MAGI2: variants seen among roughly 807,000 people sequenced by gnomAD.
MAGI2 encodes membrane associated guanylate kinase, WW and PDZ domain containing 2.
MAGI2 carries 35 observed loss-of-function variants against 133.3 expected under a neutral mutation model. The observed-to-expected ratio is 0.26, with a 90% CI of 0.20 to 0.35. The LOEUF is 0.35. MAGI2 is among the 10% of genes least tolerant of loss of function. MAGI2 has a pLI of 1.00. For missense variants in MAGI2, 1,636 were observed against 1,863.4 expected, an observed-to-expected ratio of 0.88 and a Z score of 2.25; for synonymous variants, 729 against 710.6, an observed-to-expected ratio of 1.03 and a Z score of -0.41.
intron 20 of MAGI2, among the ~76,000 whole-genome samples, chr7:78,082,283 G>A (rs1563097091): frequency 6.6e-6 from 1 of 152,228 alleles, no homozygotes; most frequent in East Asian, 1.9e-4. Flanking sequence ...ACTTAAAGGA[G>A]AAGGCATTAG....
chr7:78,185,046 A>G (rs954368389), intron 13 of MAGI2, among the ~76,000 whole-genome samples: 2 of 152,230 alleles, frequency 1.3e-5, no homozygotes, highest in Non-Finnish European at 2.9e-5. Flanking sequence ...TGCAAATAAA[A>G]TGTAAGCCAC....
intron 1 of MAGI2, among the ~76,000 whole-genome samples, chr7:79,318,953 T>C (rs920813715): frequency 6.6e-6 from 1 of 152,176 alleles, no homozygotes; most frequent in Admixed American, 6.6e-5. Flanking sequence ...ATTATAAATA[T>C]GCATTAAATA....
rs958722173 is a variant in MAGI2, at chr7:78,421,279, G to A, written c.1046-52066C>T. Reference sequence around the variant, plus strand: ...GGTCAGTGCCACTGAACACCTTTATGTAACTCACTTACTGGGGTAAAAGCT... The same window carrying A: ...GGTCAGTGCCACTGAACACCTTTATATAACTCACTTACTGGGGTAAAAGCT... On this transcript the variant is annotated intron_variant, in intron 6 of 21. Coordinates refer to ENST00000354212, the MANE Select transcript of MAGI2 (RefSeq NM_012301.4). Among the ~76,000 whole-genome samples, 8 of 152,280 alleles carry A rather than the reference G, an allele frequency of 5.3e-5. No homozygotes were observed. In the South Asian group the frequency reaches 8.3e-4, roughly 16 times the overall value.
chr7:79,218,582 T>C (rs1830212338), intron 1 of MAGI2, among the ~76,000 whole-genome samples: 1 of 152,094 alleles, frequency 6.6e-6, no homozygotes. Context: ...GAAGGCTTCA[T>C]GTTTATTCTT....
intron 1 of MAGI2, among the ~76,000 whole-genome samples, chr7:79,149,047 TATATA>T (rs1554382838): frequency 5.5e-5 from 8 of 144,384 alleles, no homozygotes; most frequent in East Asian, 2.0e-4. Context: ...AGTATATATA[TATATA>T]ATATAATATA....
chr7:79,308,220 A>C (rs11768754), intron 1 of MAGI2, among the ~76,000 whole-genome samples: 93,610 of 152,058 alleles, frequency 0.62, 30,347 homozygotes, highest in Non-Finnish European at 0.71. Context: ...ATATTTCATG[A>C]AGACATTGTC....
At chr7:78,411,601 A>T (rs6466209) in intron 6 of MAGI2, among the ~76,000 whole-genome samples, 143,930 of 152,064 alleles carry the variant, frequency 0.95, 68,199 homozygotes, top group African/African-American at 0.99. Flanking sequence ...AAGCATTCTC[A>T]GACGAAAGTG....
chr7:79,403,470 TTTAAAA>T (rs1845605384), intron 1 of MAGI2, among the ~76,000 whole-genome samples: 1 of 152,108 alleles, frequency 6.6e-6, no homozygotes, highest in South Asian at 2.1e-4. Context: ...TAGTAATCCC[TTTAAAA>T]TTATTTAAAA....
At chr7:78,941,031 T>C (rs570477798) in intron 2 of MAGI2, 1 of 152,288 alleles carries the variant, frequency 6.6e-6, no homozygotes, top group South Asian at 2.1e-4. Flanking sequence ...CCAGTGTAGA[T>C]GGGAATCAGA....
chr7:79,180,136 A>G (rs541185123), intron 1 of MAGI2, among the ~76,000 whole-genome samples: 21 of 152,234 alleles, frequency 1.4e-4, no homozygotes, highest in African/African-American at 5.1e-4. Flanking sequence ...AAAGAGACAT[A>G]TAAATGAGCA....
chr7:78,160,400 C>G, intron 15 of MAGI2, 127 bp from the exon 16 acceptor site: 1 of 1,027,096 alleles, frequency 9.7e-7, no homozygotes, highest in South Asian at 3.0e-5. Context: ...TTCTCTTTCT[C>G]CCAGATTTGC....
intron 9 of MAGI2, among the ~76,000 whole-genome samples, chr7:78,320,062 G>A (rs1363197148): frequency 2.6e-5 from 4 of 152,044 alleles, no homozygotes; most frequent in African/African-American, 7.2e-5. Flanking sequence ...GCACTCTCCC[G>A]AGTCTAAACC....
rs574827104 is a variant in MAGI2, at chr7:78,365,269, C to T, written c.1103+3887G>A. Among the ~76,000 whole-genome samples the T allele has an allele frequency of 4.6e-5, 7 of 152,172 alleles. No homozygotes were observed. In the South Asian group the frequency reaches 1.5e-3, roughly 32 times the overall value. On this transcript the variant is annotated intron_variant, in intron 7 of 21. Coordinates refer to ENST00000354212, the MANE Select transcript of MAGI2 (RefSeq NM_012301.4). Reference sequence around the variant, plus strand: ...TGCAGCATGACCTCACATTGTTGGGCATTCTGCTGTAGAACGGTACGACAG... The same window carrying T: ...TGCAGCATGACCTCACATTGTTGGGTATTCTGCTGTAGAACGGTACGACAG...
intron 1 of MAGI2, among the ~76,000 whole-genome samples, chr7:79,245,868 G>A (rs578113849): frequency 2.0e-4 from 31 of 152,278 alleles, no homozygotes; most frequent in African/African-American, 6.3e-4. Context: ...TGGCCCCAGC[G>A]GTGGTGGCCA....
At chr7:79,236,006 A>T (rs11532779) in intron 1 of MAGI2, among the ~76,000 whole-genome samples, 86,896 of 152,052 alleles carry the variant, frequency 0.57, 26,588 homozygotes, top group Non-Finnish European at 0.68. Context: ...CTTCACTGCT[A>T]TACAGAAGGC....
intron 1 of MAGI2, among the ~76,000 whole-genome samples, chr7:79,029,899 T>C (rs1301140497): frequency 6.6e-6 from 1 of 152,144 alleles, no homozygotes; most frequent in Non-Finnish European, 1.5e-5. Flanking sequence ...AGCAATTTCT[T>C]CACCATGCTA....
chr7:78,748,465 AAT>A, intron 2 of MAGI2, among the ~76,000 whole-genome samples: 1 of 152,326 alleles, frequency 6.6e-6, no homozygotes, highest in East Asian at 1.9e-4. Flanking sequence ...AATTCTGTTT[AAT>A]ATAAGGTGAT....
chr7:78,745,463 G>T, intron 2 of MAGI2, among the ~76,000 whole-genome samples: 1 of 151,804 alleles, frequency 6.6e-6, no homozygotes, highest in Non-Finnish European at 1.5e-5. Flanking sequence ...TCTGTGTGTT[G>T]TTCTCTCCAC....
intron 2 of MAGI2, among the ~76,000 whole-genome samples, chr7:78,808,511 C>T (rs1159472701): frequency 6.6e-6 from 1 of 152,230 alleles, no homozygotes; most frequent in Non-Finnish European, 1.5e-5. Flanking sequence ...CCGCCTCGGC[C>T]TCCCAGCATG....
Sources: gnomAD v4.1 joint callset for allele counts (sites outside exome capture counted in the v4.1 genomes callset) on GRCh38, gnomAD v4.1.1 for gene constraint, MANE v1.5 for transcripts, NCBI Gene and HGNC (gene_info 2026-07-23, HGNC 2026-07-21) for gene names.